SYNPR: variants seen among roughly 807,000 people sequenced by gnomAD.
SYNPR encodes synaptoporin.
SYNPR carries 23 observed loss-of-function variants against 32.9 expected under a neutral mutation model. That is an observed-to-expected ratio of 0.70 (90% CI 0.50 to 0.99). The LOEUF is 0.99. Ranked by LOEUF, SYNPR falls within the 50% of genes least tolerant of loss-of-function variation. SYNPR has a pLI of 0.00. For synonymous variants in SYNPR, 146 were observed against 135.9 expected (o/e 1.07, Z -0.52); for missense variants, 318 against 349.3 (o/e 0.91, Z 0.71).
chr3:63,245,905 G>A (rs546683477), intron 1 of SYNPR, among the ~76,000 whole-genome samples: 8 of 152,044 alleles, frequency 5.3e-5, no homozygotes, highest in East Asian at 3.9e-4. Flanking sequence ...ATTAAAGCAC[G>A]ACCTCTGAGT....
intron 1 of SYNPR, among the ~76,000 whole-genome samples, chr3:63,245,312 A>G (rs2086275702): frequency 1.3e-5 from 2 of 148,636 alleles, no homozygotes. Flanking sequence ...AATTAATCAA[A>G]TGAAAGAAAT....
chr3:63,599,076 C>G (rs1254049528), intron 4 of SYNPR, among the ~76,000 whole-genome samples: 1 of 152,160 alleles, frequency 6.6e-6, no homozygotes, highest in Non-Finnish European at 1.5e-5. Context: ...TTAGATCATG[C>G]TAGTACAGTC....
chr3:63,457,157 A>G (rs544455358), intron 2 of SYNPR, among the ~76,000 whole-genome samples: 2 of 152,206 alleles, frequency 1.3e-5, no homozygotes, highest in South Asian at 4.1e-4. Flanking sequence ...ATCTGGTGCC[A>G]CGATGCATAC....
chr3:63,582,228 TAGA>T (rs1216867372), intron 4 of SYNPR, among the ~76,000 whole-genome samples: 3 of 152,126 alleles, frequency 2.0e-5, no homozygotes, highest in African/African-American at 7.2e-5. Context: ...TGAAAACTGG[TAGA>T]AGATTATTAC....
intron 2 of SYNPR, among the ~76,000 whole-genome samples, chr3:63,342,707 ATGTT>A (rs2087385682): frequency 6.6e-6 from 1 of 152,160 alleles, no homozygotes; most frequent in Non-Finnish European, 1.5e-5. Flanking sequence ...TATTTTTTAA[ATGTT>A]TGGTAGAATT....
At chr3:63,390,186 A>C (rs1030224495) in intron 2 of SYNPR, among the ~76,000 whole-genome samples, 17 of 152,218 alleles carry the variant, frequency 1.1e-4, no homozygotes, top group Non-Finnish European at 1.6e-4. Flanking sequence ...GGATCATGAT[A>C]AACAAATGTG....
At chr3:63,206,652 GC>G in the SYNPR span, among the ~76,000 whole-genome samples, 1 of 152,186 alleles carries the variant, frequency 6.6e-6, no homozygotes, top group Non-Finnish European at 1.5e-5. Flanking sequence ...ATGACATAAA[GC>G]TTTTTGAATG....
chr3:63,410,800 T>C (rs1273111864), intron 2 of SYNPR, among the ~76,000 whole-genome samples: 1 of 152,070 alleles, frequency 6.6e-6, no homozygotes, highest in Non-Finnish European at 1.5e-5. Context: ...GGTATCTACT[T>C]AGCTGGTGAG....
At chr3:63,345,218 A>G (rs532071895) in intron 2 of SYNPR, among the ~76,000 whole-genome samples, 1 of 152,316 alleles carries the variant, frequency 6.6e-6, no homozygotes. Context: ...AGGTGGTTTT[A>G]GTCTCAGAAC....
At chr3:63,564,319 C>T (rs11714536) in intron 4 of SYNPR, among the ~76,000 whole-genome samples, 36,114 of 151,660 alleles carry the variant, frequency 0.24, 4,772 homozygotes, top group South Asian at 0.43. Context: ...GCCTCAGCCT[C>T]CCCAGTAGCT....
At chr3:63,489,245 T>A (rs537321204) in intron 3 of SYNPR, among the ~76,000 whole-genome samples, 1 of 152,164 alleles carries the variant, frequency 6.6e-6, no homozygotes, top group Non-Finnish European at 1.5e-5. Context: ...GCTCCAACAG[T>A]AAATCCATCC....
intron 2 of SYNPR, among the ~76,000 whole-genome samples, chr3:63,295,311 AGT>A (rs1354226011): frequency 3.3e-5 from 5 of 152,292 alleles, no homozygotes; most frequent in Middle Eastern, 3.4e-3. Flanking sequence ...ACTCTATTAA[AGT>A]GTATGCATCA....
intron 4 of SYNPR, 65 bp downstream of exon 4, chr3:63,556,806 A>T (rs1310492363): frequency 1.3e-5 from 19 of 1,450,032 alleles, no homozygotes; most frequent in East Asian, 2.4e-5. Flanking sequence ...TAATGCTTGA[A>T]GGACTTTGGA....
At chr3:63,353,034 A>G (rs138466335) in intron 2 of SYNPR, among the ~76,000 whole-genome samples, 1,684 of 152,342 alleles carry the variant, frequency 0.011, 39 homozygotes, top group African/African-American at 0.039. Context: ...TTAATTGACA[A>G]ATAATAATTG....
At chr3:63,312,489 A>G (rs2086977603) in intron 2 of SYNPR, among the ~76,000 whole-genome samples, 1 of 151,850 alleles carries the variant, frequency 6.6e-6, no homozygotes, top group Non-Finnish European at 1.5e-5. Flanking sequence ...ACATCTCTTT[A>G]AACTTCAGCT....
intron 2 of SYNPR, among the ~76,000 whole-genome samples, chr3:63,373,164 C>A (rs1160098542): frequency 7.2e-5 from 11 of 152,118 alleles, no homozygotes; most frequent in Admixed American, 5.9e-4. Flanking sequence ...GCTCAAAAAG[C>A]CAGAGTGTCT....
At chr3:63,435,440 C>T (rs920706929) in intron 2 of SYNPR, among the ~76,000 whole-genome samples, 11 of 152,142 alleles carry the variant, frequency 7.2e-5, no homozygotes, top group South Asian at 2.1e-4. Context: ...TTCTCCATTA[C>T]GTAAGTGGTT....
intron 2 of SYNPR, among the ~76,000 whole-genome samples, chr3:63,376,603 C>G (rs2087898917): frequency 1.3e-5 from 2 of 152,068 alleles, no homozygotes; most frequent in Non-Finnish European, 2.9e-5. Flanking sequence ...CCACCTCTCC[C>G]AAGATATTCA....
At chr3:63,473,383 T>TATTG (rs34567548) in intron 2 of SYNPR, among the ~76,000 whole-genome samples, 199 of 151,608 alleles carry the variant, frequency 1.3e-3, no homozygotes, top group Middle Eastern at 6.8e-3. Context: ...AGGGGAAGGA[T>TATTG]ATTGATTGAT....
Sources: allele counts gnomAD v4.1 joint callset (sites outside exome capture counted in the v4.1 genomes callset), GRCh38; gene constraint gnomAD v4.1.1; transcripts MANE v1.5; gene names NCBI Gene and HGNC (gene_info 2026-07-23, HGNC 2026-07-21).